Variants in SLC35D4 observed in about 807,000 individuals in gnomAD.
The protein encoded by SLC35D4 is UDP-N-acetylglucosamine transporter SLC35D4.
the SLC35D4 span, among the ~76,000 whole-genome samples, chr18:23,275,145 CGTGTGT>C: frequency 1.3e-5 from 2 of 150,984 alleles, no homozygotes; most frequent in African/African-American, 4.9e-5. Flanking sequence ...AGTGCTTGTG[CGTGTGT>C]GTGTGTGCAG....
the SLC35D4 span, chr18:23,352,268 G>T: frequency 6.2e-7 from 1 of 1,608,280 alleles, no homozygotes; most frequent in South Asian, 1.1e-5. Context: ...TACTGAACAT[G>T]AGAAAGAATC....
the SLC35D4 span, chr18:23,252,855 C>T: frequency 8.5e-5 from 60 of 702,172 alleles, no homozygotes; most frequent in African/African-American, 7.8e-4. Flanking sequence ...CAAGTTTTCC[C>T]GTTGCTCATG....
At chr18:23,399,595 A>G in the SLC35D4 span, 1 of 1,613,980 alleles carries the variant, frequency 6.2e-7, no homozygotes, top group Admixed American at 1.7e-5. Flanking sequence ...GACCCAGCAT[A>G]GATTATACCC....
the SLC35D4 span, among the ~76,000 whole-genome samples, chr18:23,329,968 C>T: frequency 6.6e-6 from 1 of 152,144 alleles, no homozygotes; most frequent in African/African-American, 2.4e-5. Flanking sequence ...CCAAACACAA[C>T]ATGTTTTCTC....
At chr18:23,313,126 CAAAAAA>C in the SLC35D4 span, among the ~76,000 whole-genome samples, 37 of 29,470 alleles carry the variant, frequency 1.3e-3, no homozygotes, top group Non-Finnish European at 2.0e-3. Flanking sequence ...GACTACATCT[CAAAAAA>C]AAAAAAAAAA....
At chr18:23,409,275 C>T in the SLC35D4 span, among the ~76,000 whole-genome samples, 1 of 152,162 alleles carries the variant, frequency 6.6e-6, no homozygotes, top group Non-Finnish European at 1.5e-5. Flanking sequence ...TATCTCCTTC[C>T]AATCATTGTC....
chr18:23,372,742 C>A, the SLC35D4 span, among the ~76,000 whole-genome samples: 1 of 152,188 alleles, frequency 6.6e-6, no homozygotes, highest in Non-Finnish European at 1.5e-5. Context: ...CCCTGGCCCC[C>A]CTGTGTGATA....
At chr18:23,259,715 A>ACGGAACATTCCAGACACGT in the SLC35D4 span, 1 of 152,240 alleles carries the variant, frequency 6.6e-6, no homozygotes, top group Non-Finnish European at 1.5e-5. Context: ...CCTCTGTGAC[A>ACGGAACATTCCAGACACGT]CGGAACATTC....
At chr18:23,327,507 T>C in the SLC35D4 span, among the ~76,000 whole-genome samples, 6 of 151,964 alleles carry the variant, frequency 3.9e-5, no homozygotes, top group East Asian at 1.9e-4. Flanking sequence ...CAGGAAGAAG[T>C]TGAATCTCTG....
At chr18:23,393,175 A>T in the SLC35D4 span, among the ~76,000 whole-genome samples, 2 of 152,048 alleles carry the variant, frequency 1.3e-5, no homozygotes, top group African/African-American at 4.8e-5. Context: ...TCAGGCTCCT[A>T]AAGTGCTGGG....
chr18:23,268,803 CGTGTGT>C, the SLC35D4 span, among the ~76,000 whole-genome samples: 8 of 149,486 alleles, frequency 5.4e-5, no homozygotes, highest in South Asian at 2.1e-4. Flanking sequence ...TGTGTGTGTG[CGTGTGT>C]GTGTGTGTGT....
At chr18:23,255,263 CCA>C in the SLC35D4 span, among the ~76,000 whole-genome samples, 1 of 152,002 alleles carries the variant, frequency 6.6e-6, no homozygotes, top group African/African-American at 2.4e-5. Flanking sequence ...CAGCAAGGCC[CCA>C]GATATCAAAG....
the SLC35D4 span, among the ~76,000 whole-genome samples, chr18:23,397,156 T>C: frequency 4.6e-5 from 7 of 152,114 alleles, no homozygotes; most frequent in Non-Finnish European, 8.8e-5. Context: ...CTGCTCTCCA[T>C]ATCTGGGACC....
At chr18:23,353,983 A>G in the SLC35D4 span, among the ~76,000 whole-genome samples, 1 of 152,164 alleles carries the variant, frequency 6.6e-6, no homozygotes, top group Non-Finnish European at 1.5e-5. Flanking sequence ...GCACAGGTAC[A>G]ATTAGAATCC....
the SLC35D4 span, chr18:23,310,164 T>A: frequency 1.0e-6 from 1 of 970,558 alleles, no homozygotes; most frequent in South Asian, 4.8e-5. Context: ...ATCCTCCAGA[T>A]AAAAACTTAT....
the SLC35D4 span, among the ~76,000 whole-genome samples, chr18:23,437,307 CA>C: frequency 6.6e-6 from 1 of 151,998 alleles, no homozygotes; most frequent in Non-Finnish European, 1.5e-5. Context: ...TGGAGACGTA[CA>C]AAAAAATTGA....
chr18:23,372,792 A>T, the SLC35D4 span, among the ~76,000 whole-genome samples: 1 of 152,094 alleles, frequency 6.6e-6, no homozygotes, highest in Non-Finnish European at 1.5e-5. Context: ...CCTTTGCTCC[A>T]AATAGGCTTG....
the SLC35D4 span, among the ~76,000 whole-genome samples, chr18:23,366,383 A>G: frequency 2.6e-5 from 4 of 152,204 alleles, no homozygotes; most frequent in African/African-American, 9.7e-5. Context: ...ATCAAAACTC[A>G]TGCCATCTGG....
the SLC35D4 span, among the ~76,000 whole-genome samples, chr18:23,304,909 T>C: frequency 1.3e-5 from 2 of 152,240 alleles, no homozygotes; most frequent in African/African-American, 4.8e-5. Context: ...TCCTGGCCTC[T>C]CTCCCTTCTT....
Sources: gnomAD v4.1 joint callset for allele counts (sites outside exome capture counted in the v4.1 genomes callset) on GRCh38, gnomAD v4.1.1 for gene constraint, MANE v1.5 for transcripts, NCBI Gene and HGNC (gene_info 2026-07-23, HGNC 2026-07-21) for gene names.